Variants in ZNF681 observed in about 807,000 individuals in gnomAD.
The protein encoded by ZNF681 is zinc finger protein 681.
In ZNF681, 37 loss-of-function variants were observed where a neutral mutation model predicts 56.0. The observed-to-expected ratio is 0.66, with a 90% CI of 0.51 to 0.87. The LOEUF (loss-of-function observed/expected upper bound fraction) is 0.87. Among genes scored for constraint, ZNF681 ranks in the 40% least tolerant of loss-of-function variants. ZNF681 has a pLI of 0.00. For synonymous variants in ZNF681, 225 were observed against 248.6 expected, an observed-to-expected ratio of 0.91 and a Z score of 0.89; for missense variants, 741 against 744.9, an observed-to-expected ratio of 0.99 and a Z score of 0.06.
intron 3 of ZNF681, among the ~76,000 whole-genome samples, chr19:23,753,343 G>A (rs985323141): frequency 6.6e-6 from 1 of 152,304 alleles, no homozygotes; most frequent in African/African-American, 2.4e-5. Flanking sequence ...AGGTTGCAGT[G>A]AGCTGAGATC....
chr19:23,750,283 CAA>C (rs74175768), intron 3 of ZNF681, among the ~76,000 whole-genome samples: 8 of 31,784 alleles, frequency 2.5e-4, no homozygotes, highest in Admixed American at 1.1e-3. Flanking sequence ...GACTCCAACT[CAA>C]AAAAAAAAAA....
intron 3 of ZNF681, among the ~76,000 whole-genome samples, chr19:23,748,232 T>A (rs1968974123): frequency 6.6e-6 from 1 of 152,156 alleles, no homozygotes; most frequent in South Asian, 2.1e-4. Flanking sequence ...TTATATGTGA[T>A]AAGAGTTAAT....
chr19:23,750,039 C>A (rs1219964526), intron 3 of ZNF681, among the ~76,000 whole-genome samples: 1 of 150,648 alleles, frequency 6.6e-6, no homozygotes, highest in Non-Finnish European at 1.5e-5. Context: ...AATCTCAGCA[C>A]TTTGGGAGGC....
intron 3 of ZNF681, among the ~76,000 whole-genome samples, chr19:23,749,499 T>C (rs1968993207): frequency 6.6e-6 from 1 of 152,058 alleles, no homozygotes; most frequent in Admixed American, 6.6e-5. Context: ...TGGAGTGCAG[T>C]GGCACAATTA....
chr19:23,754,618 C>G (rs1045248256), intron 3 of ZNF681, among the ~76,000 whole-genome samples: 3 of 152,184 alleles, frequency 2.0e-5, no homozygotes, highest in African/African-American at 7.2e-5. Context: ...TGAGCCCAGA[C>G]TGTTCCACTG....
intron 1 of ZNF681, among the ~76,000 whole-genome samples, chr19:23,758,543 C>A (rs865846983): frequency 6.6e-6 from 1 of 152,196 alleles, no homozygotes. Flanking sequence ...GAGCTGCAGG[C>A]CAGGACACAG....
intron 3 of ZNF681, among the ~76,000 whole-genome samples, chr19:23,746,206 C>T (rs549435190): frequency 2.0e-4 from 31 of 151,836 alleles, no homozygotes; most frequent in Middle Eastern, 6.8e-3. Flanking sequence ...CCCAGCTACT[C>T]GGGAGGCTGA....
chr19:23,743,491 T>C lies in ZNF681; in HGVS notation c.*121A>G. 1.1e-6 allele frequency: 1 copy of C among 889,948 alleles called. No homozygotes were observed. The highest frequency in any genetic ancestry group is 1.6e-6 in the Non-Finnish European group (1 of 622,064). 55.1% of individuals were successfully genotyped at this position (889,948 alleles called of 1,614,324 possible). A position where few individuals can be genotyped will look rare whatever the true frequency, so the allele number is the denominator to read the frequency against. On this transcript the variant is annotated 3_prime_UTR_variant, in exon 4 of 4. Coordinates refer to ENST00000402377, the MANE Select transcript of ZNF681 (RefSeq NM_138286.3). ...AAATGCTTTCCTGTGCAATAAGGTG[T>C]GAGCATTGGTTAAAAGTTTTGCCAC...
intron 1 of ZNF681, among the ~76,000 whole-genome samples, chr19:23,756,616 C>T (rs1022137109): frequency 2.6e-5 from 4 of 151,924 alleles, no homozygotes; most frequent in African/African-American, 9.7e-5. Context: ...CACAAGGAGA[C>T]AAACCATACA....
Position 23,744,493 on chromosome 19 carries a change from G to C in ZNF681, c.1057C>G (p.Leu353Val). 1 of 1,605,012 alleles carries C rather than the reference G, an allele frequency of 6.2e-7. No homozygotes were observed. The highest frequency in any genetic ancestry group is 1.3e-5 in the African/African-American group (1 of 74,712). ...CGKAFNQSSH[L>V]TRHKIIHTGE... Reference sequence around the variant, plus strand: ...GTATGAATTATCTTATGTCTGGTAAGGTGTGAGGACTGGTTAAAGGCTTTG... The same window carrying C: ...GTATGAATTATCTTATGTCTGGTAACGTGTGAGGACTGGTTAAAGGCTTTG... The change falls in exon 4 of 4, where the codon CTT (leucine) becomes GTT (valine). Residue 353 changes from leucine to valine, a missense_variant. By Grantham distance (32) the Leu-to-Val change is conservative. Transcript: ENST00000402377.
chr19:23,743,675 ACT>A lies in ZNF681; in HGVS notation c.1873_1874del (p.Ser625Ter), dbSNP rs776641356. 5.7e-6 allele frequency: 9 copies of A among 1,579,436 alleles called. No individual in the cohort carries two copies. Among genetic ancestry groups the A allele is most frequent in the Middle Eastern group, 1.7e-4 (1 of 5,930 alleles). On this transcript the variant is annotated frameshift_variant, in exon 4 of 4. Coordinates refer to ENST00000402377, the MANE Select transcript of ZNF681 (RefSeq NM_138286.3). LOFTEE classifies it high-confidence loss of function. The part of the protein sequence containing the change: ...EKLYKPKRCN[S>X]DFENTSKFSK... Reference sequence around the variant, plus strand: ...AAAACTTTGAAGTGTTTTCAAAATCACTGTTACATCTTTTAGGTTTGTAGAGT... The same window carrying A: ...AAAACTTTGAAGTGTTTTCAAAATCAGTTACATCTTTTAGGTTTGTAGAGT...
chr19:23,752,578 AG>A (rs945258857), intron 3 of ZNF681, among the ~76,000 whole-genome samples: 1 of 268 alleles, frequency 3.7e-3, no homozygotes, highest in African/African-American at 4.0e-3. Context: ...AAGTCTTGAG[AG>A]AAATTCAGTC....
Position 23,755,393 on chromosome 19 carries a change from T to A in ZNF681, c.130+32A>T, listed in dbSNP as rs73511284. The A allele has an allele frequency of 6.8e-5, 108 of 1,592,816 alleles. No individual in the cohort carries two copies. The African/African-American group carries it at 1.3e-3, about 20-fold the overall frequency. ...AAAGAAAAATGAAACCTTTAGGGTA[T>A]AATAGGAATTGTATATTGAAGTTAT... On this transcript the variant is annotated intron_variant, in intron 2 of 3. Transcript: ENST00000402377.
chr19:23,757,385 G>T (rs1380097644), intron 1 of ZNF681, among the ~76,000 whole-genome samples: 1 of 151,642 alleles, frequency 6.6e-6, no homozygotes, highest in African/African-American at 2.4e-5. Context: ...CTCTGTCATT[G>T]ATTTTTTTTA....
rs1969099673 is a variant in ZNF681, at chr19:23,755,468, A to T, written c.87T>A (p.Tyr29Ter). 1 of 1,611,872 alleles carries T rather than the reference A, an allele frequency of 6.2e-7. No individual in the cohort carries two copies. Among genetic ancestry groups the T allele is most frequent in the Admixed American group, 1.7e-5 (1 of 59,800 alleles). The stretch of plus-strand genomic sequence containing the variant: ...TGTAGTTCTCTAACATCACATTCCT[A>T]TATAAATTCTGCTGTATAGTGTCCA... Reference protein sequence around the residue: ...QCLDTIQQNLYRNVMLENYRN... With the variant: ...QCLDTIQQNL Residue 29 changes from tyrosine to a stop codon, truncating the protein, a stop_gained, in exon 2 of 4, where the codon TAT (tyrosine) becomes TAA (stop). Transcript: ENST00000402377. LOFTEE classifies it high-confidence loss of function.
chr19:23,756,350 T>C (rs977826458), intron 1 of ZNF681, among the ~76,000 whole-genome samples: 2 of 151,184 alleles, frequency 1.3e-5, no homozygotes, highest in South Asian at 2.1e-4. Context: ...ACATATGTTA[T>C]TGAATCACTA....
At chr19:23,751,830 C>T (rs138900142) in intron 3 of ZNF681, among the ~76,000 whole-genome samples, 1,757 of 152,176 alleles carry the variant, frequency 0.012, 40 homozygotes, top group African/African-American at 0.039. Context: ...GGACTACAGG[C>T]GCCTGCCACC....
intron 3 of ZNF681, among the ~76,000 whole-genome samples, chr19:23,746,282 C>G (rs2144841806): frequency 6.6e-6 from 1 of 151,312 alleles, no homozygotes; most frequent in Admixed American, 6.6e-5. Flanking sequence ...CCACTGCAGT[C>G]CAGCCTAGGT....
Position 23,743,834 on chromosome 19 carries a change from G to C in ZNF681, c.1716C>G (p.Asn572Lys). 6.2e-7 allele frequency: 1 copy of C among 1,611,306 alleles called. No homozygotes were observed. Among genetic ancestry groups the C allele is most frequent in the South Asian group, 1.1e-5 (1 of 90,860 alleles). The change falls in exon 4 of 4, where the codon AAC (asparagine) becomes AAG (lysine). Residue 572 changes from asparagine to lysine, a missense_variant. Transcript: ENST00000402377. ...YQCEECGKAFNQSSHLTRHKR... is the reference protein window; with the variant it reads ...YQCEECGKAFKQSSHLTRHKR... The stretch of plus-strand genomic sequence containing the variant: ...TATGTCTAGTAAGGTGTGAGGACTG[G>C]TTAAAGGCTTTACCACATTCTTCAC...
Sources: allele counts gnomAD v4.1 joint callset (sites outside exome capture counted in the v4.1 genomes callset), GRCh38; gene constraint gnomAD v4.1.1; transcripts MANE v1.5; gene names NCBI Gene and HGNC (gene_info 2026-07-23, HGNC 2026-07-21).